Variants in NOX4 observed in about 807,000 individuals in gnomAD.
NOX4 encodes NADPH oxidase 4.
In NOX4, 69 loss-of-function variants were observed where a neutral mutation model predicts 87.6. The ratio of observed to expected loss-of-function variants is 0.79; its 90% CI spans 0.65 to 0.96. The LOEUF is 0.96. NOX4 is among the 40% of genes least tolerant of loss of function. NOX4 has a pLI of 0.00. For missense variants in NOX4, 680 were observed against 681.5 expected, an observed-to-expected ratio of 1.00 and a Z score of 0.02; for synonymous variants, 275 against 238.2, an observed-to-expected ratio of 1.15 and a Z score of -1.42.
At chr11:89,550,299 C>T in the NOX4 span, among the ~76,000 whole-genome samples, 1 of 151,980 alleles carries the variant, frequency 6.6e-6, no homozygotes, top group Non-Finnish European at 1.5e-5. Context: ...AATTCTCCTG[C>T]CTCAGCCTCT....
intron 8 of NOX4, among the ~76,000 whole-genome samples, chr11:89,413,808 T>G (rs1022109219): frequency 3.9e-5 from 6 of 152,070 alleles, no homozygotes; most frequent in Non-Finnish European, 5.9e-5. Context: ...AGATAAATAT[T>G]TGAGATTATG....
At chr11:89,425,305 AATTTGAC>A (rs1943316636) in intron 7 of NOX4, among the ~76,000 whole-genome samples, 1 of 151,904 alleles carries the variant, frequency 6.6e-6, no homozygotes, top group African/African-American at 2.4e-5. Context: ...GTGTTCTTAC[AATTTGAC>A]TCAGCTATTC....
chr11:89,350,707 G>T (rs1029473188), intron 13 of NOX4, among the ~76,000 whole-genome samples: 3 of 152,214 alleles, frequency 2.0e-5, no homozygotes, highest in East Asian at 1.9e-4. Flanking sequence ...CATTCTAATT[G>T]TTTGACTCAC....
At chr11:89,387,208 C>A (rs1485785414) in intron 11 of NOX4, among the ~76,000 whole-genome samples, 1 of 152,018 alleles carries the variant, frequency 6.6e-6, no homozygotes, top group African/African-American at 2.4e-5. Context: ...GGCCTCTCAG[C>A]CCAAGACTGC....
intron 12 of NOX4, among the ~76,000 whole-genome samples, chr11:89,365,508 G>A (rs1352965949): frequency 3.3e-5 from 5 of 151,572 alleles, no homozygotes; most frequent in Non-Finnish European, 5.9e-5. Flanking sequence ...ACATTGTTGG[G>A]TAAACACATT....
chr11:89,533,790 TAA>T, the NOX4 span: 1 of 152,224 alleles, frequency 6.6e-6, no homozygotes, highest in African/African-American at 2.4e-5. Flanking sequence ...TTGTTTTCTG[TAA>T]AGACTGTTGA....
At chr11:89,437,734 C>T (rs1415083704) in intron 6 of NOX4, among the ~76,000 whole-genome samples, 1 of 152,054 alleles carries the variant, frequency 6.6e-6, no homozygotes, top group African/African-American at 2.4e-5. Context: ...GTGGAAAAGA[C>T]AGTACATGTA....
chr11:89,401,591 C>T (rs1022198912), intron 9 of NOX4, among the ~76,000 whole-genome samples: 6 of 151,922 alleles, frequency 3.9e-5, no homozygotes, highest in African/African-American at 9.7e-5. Context: ...GTAATTTGCA[C>T]GGGGGCAGTT....
chr11:89,361,344 C>G (rs1353863934), intron 12 of NOX4, among the ~76,000 whole-genome samples: 4 of 152,020 alleles, frequency 2.6e-5, no homozygotes, highest in Non-Finnish European at 5.9e-5. Flanking sequence ...TGAAGTAACT[C>G]AGGAATGGAA....
intron 13 of NOX4, among the ~76,000 whole-genome samples, chr11:89,354,631 C>T (rs1043784566): frequency 5.9e-5 from 9 of 152,058 alleles, no homozygotes; most frequent in Admixed American, 5.2e-4. Context: ...AAATAGAAAA[C>T]CAGATGAGGC....
intron 2 of NOX4, among the ~76,000 whole-genome samples, chr11:89,467,449 A>G (rs1945754601): frequency 6.6e-6 from 1 of 151,984 alleles, no homozygotes; most frequent in African/African-American, 2.4e-5. Context: ...ATGCTTTAAG[A>G]AAATACCATA....
rs143667812 is a variant in NOX4, at chr11:89,436,750, T to C, written c.476-3894A>G. Among the ~76,000 whole-genome samples, 226 of 152,216 alleles carry C rather than the reference T, an allele frequency of 1.5e-3. 2 individuals carry two copies. Among genetic ancestry groups the C allele is most frequent in the African/African-American group, 5.0e-3 (206 of 41,548 alleles). On this transcript the variant is annotated intron_variant, in intron 6 of 17. Coordinates refer to ENST00000263317, the MANE Select transcript of NOX4 (RefSeq NM_016931.5). Reference sequence around the variant, plus strand: ...GGTTTTTAAAATTAAAGTTAGATATTATCCATTTTATTCTCACCATAAAAG... The same window carrying C: ...GGTTTTTAAAATTAAAGTTAGATATCATCCATTTTATTCTCACCATAAAAG...
At chr11:89,493,994 A>G (rs772747747), upstream of NOX4, among the ~76,000 whole-genome samples, 23 of 152,154 alleles carry the variant, frequency 1.5e-4, no homozygotes, top group South Asian at 2.5e-3. Context: ...ACCTCAGGTG[A>G]TCCACCAGCC....
At chr11:89,432,879 G>A (rs1344908155) in intron 6 of NOX4, 23 bp from the exon 7 acceptor site, 2 of 1,518,624 alleles carry the variant, frequency 1.3e-6, no homozygotes, top group South Asian at 1.1e-5. Context: ...ATACAAGTAG[G>A]TTTTTACTTA....
intron 17 of NOX4, among the ~76,000 whole-genome samples, chr11:89,327,911 T>C (rs1388968358): frequency 6.6e-6 from 1 of 152,146 alleles, no homozygotes; most frequent in East Asian, 1.9e-4. Flanking sequence ...ACAAAATAGA[T>C]GAAATAAGTA....
At chr11:89,578,767 G>A in the NOX4 span, among the ~76,000 whole-genome samples, 2 of 152,078 alleles carry the variant, frequency 1.3e-5, no homozygotes, top group Non-Finnish European at 2.9e-5. Flanking sequence ...CTATTCCTGT[G>A]GGTACAATCT....
chr11:89,521,657 C>T, the NOX4 span, among the ~76,000 whole-genome samples: 1 of 151,952 alleles, frequency 6.6e-6, no homozygotes, highest in Non-Finnish European at 1.5e-5. Flanking sequence ...AAAGCAATTG[C>T]TACAAAAACA....
chr11:89,386,870 C>T (rs999660404), intron 11 of NOX4, among the ~76,000 whole-genome samples: 4 of 152,252 alleles, frequency 2.6e-5, no homozygotes, highest in East Asian at 3.9e-4. Context: ...TCCTTTAATA[C>T]TTGTTTTTCT....
rs767864816 is a variant in NOX4 at position 89,402,452 on chromosome 11, T to C, written c.720A>G (p.Pro240=). ...CATGAAAATGTTCTGAGAAATACTC[T>C]GGTAAGGAAATATTCTGAGAGCTGG... ...NRTSSQNISL[P]EYFSEHFHEP... Residue 240 remains proline (P), a synonymous_variant, in exon 9 of 18, where the codon CCA becomes CCG. Transcript: ENST00000263317. 3 of 1,612,658 alleles carry C rather than the reference T, an allele frequency of 1.9e-6. No homozygotes were observed. Among genetic ancestry groups the C allele is most frequent in the Non-Finnish European group, 2.5e-6 (3 of 1,179,368 alleles).
Sources: gnomAD v4.1 joint callset for allele counts (sites outside exome capture counted in the v4.1 genomes callset) on GRCh38, gnomAD v4.1.1 for gene constraint, MANE v1.5 for transcripts, NCBI Gene and HGNC (gene_info 2026-07-23, HGNC 2026-07-21) for gene names.